The following ZNF697 variants were observed in gnomAD, a reference collection of about 807,000 sequenced individuals.
ZNF697 encodes the protein zinc finger protein 697.
ZNF697 carries 23 observed loss-of-function variants against 32.4 expected under a neutral mutation model. The observed-to-expected ratio is 0.71, with a 90% CI of 0.51 to 1.01. The LOEUF (loss-of-function observed/expected upper bound fraction) is 1.01. Ranked by LOEUF, ZNF697 falls within the 50% of genes least tolerant of loss-of-function variation. The pLI is 0.00. For synonymous variants in ZNF697, 418 were observed against 337.2 expected, an observed-to-expected ratio of 1.24 and a Z score of -2.62; for missense variants, 930 against 794.0, an observed-to-expected ratio of 1.17 and a Z score of -2.06.
intron 1 of ZNF697, among the ~76,000 whole-genome samples, chr1:119,642,919 C>T (rs369242758): frequency 1.4e-4 from 22 of 152,134 alleles, no homozygotes; most frequent in African/African-American, 5.3e-4. Context: ...CTTTGAAATT[C>T]ACAAAGGCTT....
At chr1:119,641,810 C>T (rs1649084067) in intron 1 of ZNF697, among the ~76,000 whole-genome samples, 2 of 152,190 alleles carry the variant, frequency 1.3e-5, no homozygotes, top group Admixed American at 1.3e-4. Context: ...TGAAGAAGGA[C>T]ATGTTTGCTT....
At chr1:119,635,666 G>C (rs955343356) in intron 1 of ZNF697, among the ~76,000 whole-genome samples, 8 of 152,098 alleles carry the variant, frequency 5.3e-5, no homozygotes. Context: ...TCAATTATTG[G>C]TCCTCCCTAG....
At chr1:119,631,893 C>T (rs1325968051) in intron 1 of ZNF697, among the ~76,000 whole-genome samples, 3 of 152,216 alleles carry the variant, frequency 2.0e-5, no homozygotes, top group East Asian at 1.9e-4. Flanking sequence ...GCCCCCCTGC[C>T]CACCACTATT....
chr1:119,646,628 G>A (rs1023812860), intron 1 of ZNF697, among the ~76,000 whole-genome samples: 3 of 152,122 alleles, frequency 2.0e-5, no homozygotes, highest in Admixed American at 2.0e-4. Flanking sequence ...CTCCTGCCTG[G>A]CCATATAAGT....
At chr1:119,633,393 T>TGTGTGG in intron 1 of ZNF697, among the ~76,000 whole-genome samples, 1 of 146,204 alleles carries the variant, frequency 6.8e-6, no homozygotes, top group African/African-American at 2.6e-5. Context: ...TGTGTGTGTG[T>TGTGTGG]ATAGAGAGAG....
At position 119,622,977 on chromosome 1, in the gene ZNF697, G is replaced by A. The variant is rs372763071; in HGVS notation, c.1366C>T (p.Leu456=). 8 of 1,599,612 alleles carry A rather than the reference G, an allele frequency of 5.0e-6. No individual in the cohort carries two copies. The African/African-American group carries it at 1.1e-4, about 21-fold the overall frequency. ...FGRNSHLVNH[L]RVHTGEKPFR... Reference sequence around the variant, plus strand: ...GGCTTCTCGCCGGTGTGCACGCGCAGGTGGTTCACCAGGTGCGAGTTACGC... The same window carrying A: ...GGCTTCTCGCCGGTGTGCACGCGCAAGTGGTTCACCAGGTGCGAGTTACGC... The change falls in exon 3 of 3, where the codon CTG becomes TTG. Residue 456 remains leucine, a synonymous_variant. Transcript: ENST00000421812.
rs1003814505 is a variant in ZNF697 at position 119,623,676 on chromosome 1, C to T, written c.667G>A (p.Glu223Lys). Residue 223 changes from glutamate (E) to lysine (K), a missense_variant, in exon 3 of 3, where the codon GAG (glutamate) becomes AAG (lysine). Physicochemically the swap from Glu to Lys is moderately conservative, Grantham distance 56. Coordinates refer to ENST00000421812, the MANE Select transcript of ZNF697 (RefSeq NM_001080470.2). ...CACTCGCCCGCCAGGCCGAAGGGCT[C>T]CAGGCTGGCGGCGGCAGCGGCCTCA... is the stretch of plus-strand genomic sequence containing the variant. ...LAEAAAAASL[E>K]PFGLAGECDA... 1 of 1,525,950 alleles carries T rather than the reference C, an allele frequency of 6.6e-7. No individual in the cohort carries two copies. Among genetic ancestry groups the T allele is most frequent in the Non-Finnish European group, 8.8e-7 (1 of 1,142,082 alleles). 94.5% of individuals were successfully genotyped at this position (1,525,950 alleles called of 1,614,324 possible). A position where few individuals can be genotyped will look rare whatever the true frequency, so the allele number is the denominator to read the frequency against.
chr1:119,646,592 A>G (rs1649212143), intron 1 of ZNF697, among the ~76,000 whole-genome samples: 2 of 152,146 alleles, frequency 1.3e-5, no homozygotes, highest in South Asian at 4.1e-4. Flanking sequence ...CTACAGCATC[A>G]TTCTTTCGAC....
At chr1:119,641,049 A>C (rs763429732) in intron 1 of ZNF697, among the ~76,000 whole-genome samples, 6 of 152,254 alleles carry the variant, frequency 3.9e-5, no homozygotes, top group Non-Finnish European at 8.8e-5. Flanking sequence ...CTCTTAAGAA[A>C]GTTAGTAAAG....
intron 1 of ZNF697, among the ~76,000 whole-genome samples, chr1:119,645,812 G>A (rs1052500712): frequency 6.6e-6 from 1 of 152,114 alleles, no homozygotes. Flanking sequence ...TAGATACAAA[G>A]AAAAGCCCAT....
chr1:119,622,681 G>T lies in ZNF697; in HGVS notation c.*24C>A, dbSNP rs201661121. 3.4e-6 allele frequency: 5 copies of T among 1,486,436 alleles called. No homozygotes were observed. The highest frequency in any genetic ancestry group is 5.0e-5 in the East Asian group (2 of 40,342). 92.1% of individuals were successfully genotyped at this position (1,486,436 alleles called of 1,614,324 possible). The stretch of plus-strand genomic sequence containing the variant: ...TCTACCCCCCACAGGCTCCCCAGAC[G>T]GCAGCCTCCCGCGGACCCAGCCCCT... On this transcript the variant is annotated 3_prime_UTR_variant, in exon 3 of 3. Coordinates refer to ENST00000421812, the MANE Select transcript of ZNF697 (RefSeq NM_001080470.2).
At chr1:119,643,407 C>T (rs1233293481) in intron 1 of ZNF697, among the ~76,000 whole-genome samples, 2 of 152,120 alleles carry the variant, frequency 1.3e-5, no homozygotes, top group Non-Finnish European at 2.9e-5. Flanking sequence ...CCAGGGCTTT[C>T]AAAGTTCTCT....
Position 119,623,847 on chromosome 1 carries a change from G to C in ZNF697, c.496C>G (p.Leu166Val). The C allele has an allele frequency of 6.5e-7, 1 of 1,543,406 alleles. No individual in the cohort carries two copies. The highest frequency in any genetic ancestry group is 8.8e-7 in the Non-Finnish European group (1 of 1,142,144). ...DKPAHRRFHR[L>V]HHPMAVDLGE... ...AGGTCCACGGCCATGGGGTGGTGGA[G>C]CCGGTGGAAGCGGCGGTGGGCGGGC... is the stretch of plus-strand genomic sequence containing the variant. Residue 166 changes from leucine to valine, a missense_variant, in exon 3 of 3, where the codon CTC becomes GTC. Physicochemically the swap from Leu to Val is conservative, Grantham distance 32. Transcript: ENST00000421812.
At chr1:119,647,231 C>A (rs1001946372) in intron 1 of ZNF697, among the ~76,000 whole-genome samples, 3 of 152,192 alleles carry the variant, frequency 2.0e-5, no homozygotes, top group African/African-American at 7.2e-5. Flanking sequence ...TCCCCCTCAA[C>A]CTTTTACTCA....
intron 1 of ZNF697, among the ~76,000 whole-genome samples, chr1:119,642,439 G>T (rs927026335): frequency 4.0e-5 from 6 of 150,790 alleles, no homozygotes; most frequent in Non-Finnish European, 5.9e-5. Context: ...GATGCTGAGA[G>T]GGGGGGAGGC....
intron 1 of ZNF697, among the ~76,000 whole-genome samples, chr1:119,628,083 TAAGAGGGGATTA>T (rs1263059684): frequency 7.6e-6 from 1 of 131,126 alleles, no homozygotes; most frequent in African/African-American, 2.9e-5. Context: ...CGGGGGGAGT[TAAGAGGGGATTA>T]ATCAATGGTT....
At chr1:119,624,262 C>G in intron 2 of ZNF697, 146 bp from the exon 3 acceptor site, 1 of 1,012,064 alleles carries the variant, frequency 9.9e-7, no homozygotes, top group Non-Finnish European at 1.4e-6. Context: ...AGAGTTTAGC[C>G]TCTCTCAACT....
chr1:119,641,848 C>G (rs1051888044), intron 1 of ZNF697, among the ~76,000 whole-genome samples: 1 of 152,176 alleles, frequency 6.6e-6, no homozygotes, highest in African/African-American at 2.4e-5. Flanking sequence ...GTAAGTTTCC[C>G]AAGGCCTCCC....
chr1:119,627,409 G>A (rs1319570734), intron 1 of ZNF697, among the ~76,000 whole-genome samples: 3 of 152,204 alleles, frequency 2.0e-5, no homozygotes, highest in Non-Finnish European at 4.4e-5. Flanking sequence ...TACTGTTCCA[G>A]TGTCCTCATG....
Sources: gnomAD v4.1 joint callset for allele counts (sites outside exome capture counted in the v4.1 genomes callset) on GRCh38, gnomAD v4.1.1 for gene constraint, MANE v1.5 for transcripts, NCBI Gene and HGNC (gene_info 2026-07-23, HGNC 2026-07-21) for gene names.